EXOC4: variants seen among roughly 807,000 people sequenced by gnomAD.
EXOC4 encodes the protein SEC8-like 1.
In EXOC4, 71 loss-of-function variants were observed where a neutral mutation model predicts 107.2. That is an observed-to-expected ratio of 0.66 (90% CI 0.55 to 0.81). The LOEUF (loss-of-function observed/expected upper bound fraction) is 0.81. Ranked by LOEUF, EXOC4 falls within the 30% of genes least tolerant of loss-of-function variation. EXOC4 has a pLI of 0.00. For synonymous variants in EXOC4, 456 were observed against 441.2 expected (o/e 1.03, Z -0.42); for missense variants, 1,108 against 1,189.6 (o/e 0.93, Z 1.01).
chr7:133,617,081 T>A (rs1802210784), intron 9 of EXOC4, among the ~76,000 whole-genome samples: 1 of 152,180 alleles, frequency 6.6e-6, no homozygotes, highest in Non-Finnish European at 1.5e-5. Flanking sequence ...TCTGATTTTG[T>A]TATTTATAAA....
chr7:133,522,090 A>C (rs909790586), intron 9 of EXOC4, among the ~76,000 whole-genome samples: 2 of 152,126 alleles, frequency 1.3e-5, no homozygotes, highest in Non-Finnish European at 1.5e-5. Context: ...ACATTTTAGT[A>C]AATTTTAGAA....
chr7:134,084,738 A>G, the EXOC4 span, among the ~76,000 whole-genome samples: 2 of 151,648 alleles, frequency 1.3e-5, no homozygotes, highest in South Asian at 4.2e-4. Flanking sequence ...AAATTCACCA[A>G]AAGGACAGCC....
intron 9 of EXOC4, among the ~76,000 whole-genome samples, chr7:133,608,018 CTTTTGAAATTTTG>C (rs1191814465): frequency 2.6e-5 from 4 of 151,996 alleles, no homozygotes; most frequent in African/African-American, 9.7e-5. Flanking sequence ...AGAAAATTTT[CTTTTGAAATTTTG>C]TTTTGAAATC....
At chr7:133,327,491 G>GT (rs1795276571) in intron 5 of EXOC4, among the ~76,000 whole-genome samples, 1 of 151,988 alleles carries the variant, frequency 6.6e-6, no homozygotes, top group Admixed American at 6.5e-5. Context: ...TTTTGAATTT[G>GT]TTTGCTCTTG....
intron 7 of EXOC4, among the ~76,000 whole-genome samples, chr7:133,461,878 G>T (rs1584935559): frequency 6.6e-6 from 1 of 152,160 alleles, no homozygotes; most frequent in African/African-American, 2.4e-5. Context: ...CTGACAGGCG[G>T]CAGAGAAGGC....
chr7:133,636,718 A>G (rs1802721593), intron 10 of EXOC4, among the ~76,000 whole-genome samples: 1 of 152,200 alleles, frequency 6.6e-6, no homozygotes, highest in Non-Finnish European at 1.5e-5. Flanking sequence ...ATTTTTCACT[A>G]GTAATTATTC....
intron 10 of EXOC4, among the ~76,000 whole-genome samples, chr7:133,753,145 T>C (rs560375268): frequency 3.3e-5 from 5 of 152,378 alleles, no homozygotes; most frequent in South Asian, 4.1e-4. Context: ...AAAAATGTGC[T>C]TTATGTGTAA....
chr7:133,757,574 A>C (rs1381916356), intron 10 of EXOC4, among the ~76,000 whole-genome samples: 1 of 152,264 alleles, frequency 6.6e-6, no homozygotes, highest in Non-Finnish European at 1.5e-5. Flanking sequence ...TGGTGAAAAA[A>C]GGACAATAAT....
chr7:133,646,991 C>T (rs768993657), intron 10 of EXOC4, among the ~76,000 whole-genome samples: 5 of 152,166 alleles, frequency 3.3e-5, no homozygotes, highest in South Asian at 2.1e-4. Context: ...TGCATTTTCA[C>T]GGCCAACTCC....
At chr7:133,942,364 A>G (rs754465420) in intron 14 of EXOC4, among the ~76,000 whole-genome samples, 17 of 151,724 alleles carry the variant, frequency 1.1e-4, no homozygotes, top group South Asian at 2.1e-4. Context: ...ATTAATGACT[A>G]TTTTCTCTAT....
chr7:133,294,809 A>G (rs902275685), intron 3 of EXOC4, among the ~76,000 whole-genome samples: 5 of 152,148 alleles, frequency 3.3e-5, no homozygotes, highest in African/African-American at 1.2e-4. Flanking sequence ...TTAGTTAACA[A>G]GATCCTTTGG....
intron 14 of EXOC4, among the ~76,000 whole-genome samples, chr7:133,940,989 A>C (rs1457444659): frequency 6.6e-6 from 1 of 151,894 alleles, no homozygotes; most frequent in Non-Finnish European, 1.5e-5. Flanking sequence ...GATAGGGTGG[A>C]AAAAGTTTGC....
At chr7:133,592,918 T>G (rs1801583903) in intron 9 of EXOC4, among the ~76,000 whole-genome samples, 1 of 152,126 alleles carries the variant, frequency 6.6e-6, no homozygotes, top group South Asian at 2.1e-4. Context: ...AGCTACTTTT[T>G]GTATTTTTAG....
intron 11 of EXOC4, among the ~76,000 whole-genome samples, chr7:133,884,581 C>CTGTGTGTGTGTGTGTGTG (rs34350149): frequency 5.2e-4 from 75 of 143,730 alleles, no homozygotes; most frequent in African/African-American, 1.7e-3. Context: ...GCCCTATGCT[C>CTGTGTGTGTGTGTGTGTG]TGTGTGTGTG....
intron 9 of EXOC4, among the ~76,000 whole-genome samples, chr7:133,622,114 A>G (rs752058765): frequency 1.2e-4 from 18 of 152,046 alleles, no homozygotes; most frequent in Non-Finnish European, 2.5e-4. Context: ...ACCTGGAACT[A>G]CAGTTGCACC....
chr7:133,784,511 T>C (rs1796530270), intron 10 of EXOC4, among the ~76,000 whole-genome samples: 1 of 152,162 alleles, frequency 6.6e-6, no homozygotes, highest in Non-Finnish European at 1.5e-5. Context: ...TCCGTTCTTC[T>C]TGTGTGTGGC....
At chr7:134,096,965 GTTGACT>G in the EXOC4 span, among the ~76,000 whole-genome samples, 2 of 151,838 alleles carry the variant, frequency 1.3e-5, no homozygotes, top group Non-Finnish European at 2.9e-5. Flanking sequence ...CTGTTTTCAA[GTTGACT>G]TATAACTTGA....
chr7:133,942,506 A>G (rs1217544241), intron 14 of EXOC4, among the ~76,000 whole-genome samples: 2 of 152,110 alleles, frequency 1.3e-5, no homozygotes, highest in Non-Finnish European at 2.9e-5. Context: ...TTATATACTT[A>G]TTTCTTACAG....
chr7:134,006,539 C>T (rs1794646862), intron 16 of EXOC4, among the ~76,000 whole-genome samples: 1 of 152,142 alleles, frequency 6.6e-6, no homozygotes, highest in Non-Finnish European at 1.5e-5. Context: ...AATGCATCTC[C>T]TCCCTCATTT....
Sources: allele counts gnomAD v4.1 joint callset (sites outside exome capture counted in the v4.1 genomes callset), GRCh38; gene constraint gnomAD v4.1.1; transcripts MANE v1.5; gene names NCBI Gene and HGNC (gene_info 2026-07-23, HGNC 2026-07-21).